The following REPS2 variants were observed in gnomAD, a reference collection of about 807,000 sequenced individuals.
REPS2 encodes the protein RALBP1 associated Eps domain containing 2, also known as ralBP1-associated Eps domain-containing protein 2.
A neutral mutation model predicts 53.6 loss-of-function variants in REPS2; 23 were observed. That is an observed-to-expected ratio of 0.43 (90% confidence interval 0.31 to 0.61). The LOEUF is 0.61. Ranked by LOEUF, REPS2 falls within the 20% of genes least tolerant of loss-of-function variation. The pLI is 0.11. For missense variants in REPS2, 446 were observed against 534.9 expected, an observed-to-expected ratio of 0.83 and a Z score of 1.64; for synonymous variants, 238 against 218.6, an observed-to-expected ratio of 1.09 and a Z score of -0.78.
At chrX:17,027,557 C>T (rs1457339341) in intron 4 of REPS2, among the ~76,000 whole-genome samples, 1 of 110,681 alleles carries the variant, frequency 9.0e-6, no homozygotes, top group Non-Finnish European at 1.9e-5. Context: ...TGTCATTTCC[C>T]TGGCTCCTAG....
At chrX:16,983,353 C>T (rs771522832) in intron 1 of REPS2, among the ~76,000 whole-genome samples, 96 of 111,619 alleles carry the variant, frequency 8.6e-4, no homozygotes, top group Non-Finnish European at 1.5e-3. Flanking sequence ...GTTTATAAAT[C>T]AAGGCTCGTT....
At chrX:17,055,537 A>G (rs1232555331) in intron 8 of REPS2, among the ~76,000 whole-genome samples, 1 of 80,298 alleles carries the variant, frequency 1.2e-5, no homozygotes, top group Non-Finnish European at 2.4e-5. Flanking sequence ...TATAAGGTGT[A>G]AGGAAGGGAT....
intron 14 of REPS2, among the ~76,000 whole-genome samples, chrX:17,112,461 G>T (rs1257186976): frequency 8.9e-6 from 1 of 111,817 alleles, no homozygotes; most frequent in Non-Finnish European, 1.9e-5. Context: ...CTTCAGGATA[G>T]ACCATATGTT....
At chrX:17,066,890 G>A (rs2062232800) in intron 9 of REPS2, among the ~76,000 whole-genome samples, 2 of 111,820 alleles carry the variant, frequency 1.8e-5, no homozygotes, top group Admixed American at 1.9e-4. Context: ...AGAATTACCT[G>A]AGTGAAGACT....
At chrX:17,058,864 T>C (rs897769941) in intron 8 of REPS2, among the ~76,000 whole-genome samples, 17 of 111,896 alleles carry the variant, frequency 1.5e-4, no homozygotes, top group Admixed American at 1.9e-4. Flanking sequence ...TGTTTATCAT[T>C]GTATGAAGCT....
chrX:16,967,902 A>G (rs1325851406), intron 1 of REPS2, among the ~76,000 whole-genome samples: 3 of 106,817 alleles, frequency 2.8e-5, no homozygotes, highest in East Asian at 5.9e-4. Context: ...GGGATTTGGC[A>G]GGGTCACAGG....
At chrX:17,181,794 G>A in the REPS2 span, among the ~76,000 whole-genome samples, 1 of 111,864 alleles carries the variant, frequency 8.9e-6, no homozygotes, top group African/African-American at 3.3e-5. Context: ...GGCCATTCAA[G>A]TAAAACTACA....
At chrX:17,167,796 T>C in the REPS2 span, among the ~76,000 whole-genome samples, 3 of 109,419 alleles carry the variant, frequency 2.7e-5, no homozygotes, top group African/African-American at 3.3e-5. Flanking sequence ...GGGGCCAAGA[T>C]AGGATTTTAA....
At chrX:17,180,074 A>G in the REPS2 span, among the ~76,000 whole-genome samples, 1 of 111,844 alleles carries the variant, frequency 8.9e-6, no homozygotes, top group Non-Finnish European at 1.9e-5. Context: ...GGAGAATTTC[A>G]TAGAAAGACA....
In REPS2 at chrX:16,982,274, A is replaced by G. The variant is rs184055552; in HGVS notation, c.274-23947A>G. Among the ~76,000 whole-genome samples, 4 of 112,322 alleles carry G rather than the reference A, an allele frequency of 3.6e-5. 1 individual carries two copies. The East Asian group carries it at 1.1e-3, about 31-fold the overall frequency. ...TGCTATTATTATGAATAATGCTGCT[A>G]TGAACATTCATGTTTACATCATGTA... On this transcript the variant is annotated intron_variant, in intron 1 of 17. Transcript: ENST00000357277.
the REPS2 span, among the ~76,000 whole-genome samples, chrX:17,167,795 A>T: frequency 1.8e-5 from 2 of 109,460 alleles, no homozygotes; most frequent in African/African-American, 3.3e-5. Flanking sequence ...AGGGGCCAAG[A>T]TAGGATTTTA....
At chrX:17,084,624 G>T (rs1399370832) in intron 13 of REPS2, among the ~76,000 whole-genome samples, 1 of 112,027 alleles carries the variant, frequency 8.9e-6, no homozygotes, top group East Asian at 2.8e-4. Flanking sequence ...TTGTGATTTT[G>T]ATTTGCATTT....
At chrX:17,143,092 T>G (rs182888221) in intron 17 of REPS2, among the ~76,000 whole-genome samples, 91 of 111,858 alleles carry the variant, frequency 8.1e-4, no homozygotes, top group Non-Finnish European at 1.4e-3. Flanking sequence ...TGATTCCTTT[T>G]ATTTGACATT....
intron 2 of REPS2, among the ~76,000 whole-genome samples, chrX:17,018,048 C>G (rs1405470603): frequency 4.5e-5 from 5 of 111,316 alleles, no homozygotes; most frequent in Non-Finnish European, 7.5e-5. Context: ...ATAACATTTC[C>G]CATCTTAACC....
chrX:17,077,185 A>T, intron 12 of REPS2, 86 bp from the exon 13 acceptor site: 1 of 1,012,590 alleles, frequency 9.9e-7, no homozygotes, highest in Non-Finnish European at 1.3e-6. Flanking sequence ...AGTCACTTTG[A>T]CTTCGTGGGT....
At chrX:17,142,278 A>G (rs1603129399) in intron 17 of REPS2, among the ~76,000 whole-genome samples, 1 of 111,918 alleles carries the variant, frequency 8.9e-6, no homozygotes, top group Non-Finnish European at 1.9e-5. Flanking sequence ...GAAAACAGAA[A>G]AATCTTCATG....
chrX:16,968,863 G>T (rs1225762952), intron 1 of REPS2, among the ~76,000 whole-genome samples: 3 of 109,651 alleles, frequency 2.7e-5, no homozygotes, highest in East Asian at 3.0e-4. Flanking sequence ...GTGGCTGCTG[G>T]GCGGAGACGT....
intron 7 of REPS2, among the ~76,000 whole-genome samples, chrX:17,052,863 A>G (rs1413363572): frequency 1.8e-5 from 2 of 111,666 alleles, no homozygotes; most frequent in East Asian, 5.6e-4. Context: ...GTTGAGGAAT[A>G]TTTTGGAGTT....
At chrX:17,158,627 C>G in the REPS2 span, among the ~76,000 whole-genome samples, 1 of 111,978 alleles carries the variant, frequency 8.9e-6, no homozygotes, top group Admixed American at 9.4e-5. Context: ...AACTTTTTAT[C>G]AGAATTCAGG....
Sources: gnomAD v4.1 joint callset for allele counts (sites outside exome capture counted in the v4.1 genomes callset) on GRCh38, gnomAD v4.1.1 for gene constraint, MANE v1.5 for transcripts, NCBI Gene and HGNC (gene_info 2026-07-23, HGNC 2026-07-21) for gene names.